Variants in SAMD5 observed in about 807,000 individuals in gnomAD.
SAMD5 encodes sterile alpha motif domain-containing protein 5.
Under a neutral mutation model 11.3 loss-of-function variants are expected in SAMD5, and 13 were observed. The ratio of observed to expected loss-of-function variants is 1.15; its 90% CI spans 0.75 to 1.83. SAMD5 has a LOEUF of 1.83. Ranked by LOEUF, SAMD5 falls within the 40% of genes most tolerant of loss-of-function variation. The pLI, the probability that SAMD5 is intolerant of heterozygous loss-of-function variation, is 0.00. For missense variants in SAMD5, 255 were observed against 239.1 expected (o/e 1.07, Z -0.44); for synonymous variants, 129 against 111.3 (o/e 1.16, Z -1.00).
chr6:147,581,181 A>G (rs184614805), intron 1 of SAMD5, among the ~76,000 whole-genome samples: 13 of 152,276 alleles, frequency 8.5e-5, no homozygotes, highest in African/African-American at 2.4e-4. Flanking sequence ...GAGCAGACGT[A>G]TATGGCTTGA....
At chr6:147,809,399 G>A in the SAMD5 span, among the ~76,000 whole-genome samples, 2 of 151,926 alleles carry the variant, frequency 1.3e-5, no homozygotes, top group Non-Finnish European at 2.9e-5. Flanking sequence ...TGTGGAGAAC[G>A]GACCACACAG....
intron 1 of SAMD5, among the ~76,000 whole-genome samples, chr6:147,540,615 T>C (rs1788584842): frequency 6.6e-6 from 1 of 152,198 alleles, no homozygotes; most frequent in African/African-American, 2.4e-5. Flanking sequence ...TATCCTGTGA[T>C]ACTCCTTTCT....
chr6:147,792,578 C>T, the SAMD5 span, among the ~76,000 whole-genome samples: 1 of 152,142 alleles, frequency 6.6e-6, no homozygotes, highest in Admixed American at 6.6e-5. Flanking sequence ...CAACACCTCA[C>T]TAGTAACAAG....
intron 1 of SAMD5, among the ~76,000 whole-genome samples, chr6:147,626,898 G>A (rs984578335): frequency 6.6e-6 from 1 of 150,712 alleles, no homozygotes; most frequent in Non-Finnish European, 1.5e-5. Flanking sequence ...AATATTTGCT[G>A]TTGTTGCTGT....
the SAMD5 span, among the ~76,000 whole-genome samples, chr6:147,821,172 C>T: frequency 6.6e-5 from 10 of 152,148 alleles, no homozygotes; most frequent in African/African-American, 2.4e-4. Context: ...TTCATCATAC[C>T]AGTCTAGGAA....
intron 1 of SAMD5, among the ~76,000 whole-genome samples, chr6:147,538,598 A>G (rs1788551216): frequency 6.6e-6 from 1 of 152,160 alleles, no homozygotes; most frequent in South Asian, 2.1e-4. Flanking sequence ...ATAAGGTTTG[A>G]CTGTTTTCAG....
At chr6:147,943,821 A>G in the SAMD5 span, among the ~76,000 whole-genome samples, 1 of 152,068 alleles carries the variant, frequency 6.6e-6, no homozygotes, top group Admixed American at 6.5e-5. Flanking sequence ...CCTCCTTTCC[A>G]GTCCCCTGAA....
At chr6:147,739,153 C>A (rs976706719), downstream of SAMD5, among the ~76,000 whole-genome samples, 2 of 152,198 alleles carry the variant, frequency 1.3e-5, no homozygotes, top group Non-Finnish European at 2.9e-5. Flanking sequence ...CAGAGCAGGG[C>A]AGTGTTTCTA....
At chr6:147,870,484 A>G in the SAMD5 span, among the ~76,000 whole-genome samples, 23,339 of 129,896 alleles carry the variant, frequency 0.18, 1,852 homozygotes, top group African/African-American at 0.26. Context: ...GTGTGTGTGT[A>G]TATATATATG....
chr6:147,949,026 T>G, the SAMD5 span, among the ~76,000 whole-genome samples: 2 of 152,196 alleles, frequency 1.3e-5, no homozygotes. Flanking sequence ...GATTTCAAAC[T>G]TGCATAGGCT....
chr6:147,530,566 G>A (rs529578057), intron 1 of SAMD5, among the ~76,000 whole-genome samples: 2 of 152,320 alleles, frequency 1.3e-5, no homozygotes, highest in South Asian at 4.2e-4. Flanking sequence ...CCTGCCTCCT[G>A]AGCCACAACT....
At chr6:147,689,725 G>A (rs1329467185) in intron 1 of SAMD5, among the ~76,000 whole-genome samples, 2 of 152,152 alleles carry the variant, frequency 1.3e-5, no homozygotes, top group Non-Finnish European at 2.9e-5. Flanking sequence ...AAACAATTCT[G>A]TTTCTTGATG....
At chr6:147,601,735 T>A (rs1789617687) in intron 1 of SAMD5, among the ~76,000 whole-genome samples, 1 of 152,234 alleles carries the variant, frequency 6.6e-6, no homozygotes, top group South Asian at 2.1e-4. Flanking sequence ...ATGTTACTGT[T>A]CTTCATGTCT....
At chr6:147,787,838 T>C in the SAMD5 span, among the ~76,000 whole-genome samples, 1 of 152,210 alleles carries the variant, frequency 6.6e-6, no homozygotes. Context: ...ACAACATTCT[T>C]ACAGTAAAGG....
chr6:147,701,666 A>AG (rs1791255264), intron 1 of SAMD5, among the ~76,000 whole-genome samples: 2 of 151,790 alleles, frequency 1.3e-5, no homozygotes, highest in South Asian at 4.2e-4. Flanking sequence ...AAAAAAAAAA[A>AG]AATTAAAAAC....
the SAMD5 span, among the ~76,000 whole-genome samples, chr6:147,893,408 A>G: frequency 2.0e-5 from 3 of 152,104 alleles, no homozygotes; most frequent in Non-Finnish European, 2.9e-5. Flanking sequence ...GGTCTTAAGC[A>G]CTCTGCATTC....
chr6:147,661,940 G>A (rs1790654486), intron 1 of SAMD5, among the ~76,000 whole-genome samples: 2 of 152,166 alleles, frequency 1.3e-5, no homozygotes, highest in Admixed American at 6.5e-5. Flanking sequence ...GACTAAAACC[G>A]TTCTTTTAAA....
chr6:147,632,735 T>A (rs1790169980), intron 1 of SAMD5, among the ~76,000 whole-genome samples: 1 of 152,254 alleles, frequency 6.6e-6, no homozygotes, highest in Non-Finnish European at 1.5e-5. Flanking sequence ...TATGTAAATG[T>A]CTAATGTTCT....
At chr6:147,847,335 C>T in the SAMD5 span, among the ~76,000 whole-genome samples, 2 of 152,166 alleles carry the variant, frequency 1.3e-5, no homozygotes, top group African/African-American at 2.4e-5. Context: ...TGAAGTACAC[C>T]ACGCACGTTG....
Sources: allele counts gnomAD v4.1 joint callset (sites outside exome capture counted in the v4.1 genomes callset), GRCh38; gene constraint gnomAD v4.1.1; transcripts MANE v1.5; gene names NCBI Gene and HGNC (gene_info 2026-07-23, HGNC 2026-07-21).